Variants in ROBO1 observed in about 807,000 individuals in gnomAD.
The protein encoded by ROBO1 is roundabout guidance receptor 1, also known as roundabout homolog 1.
ROBO1 carries 149 observed loss-of-function variants against 195.9 expected under a neutral mutation model. The ratio of observed to expected loss-of-function variants is 0.76; its 90% CI spans 0.67 to 0.87. The LOEUF (loss-of-function observed/expected upper bound fraction) is 0.87. ROBO1 is among the 40% of genes least tolerant of loss of function. ROBO1 has a pLI of 0.00. For missense variants in ROBO1, 1,933 were observed against 2,068.3 expected (o/e 0.93, Z 1.27); for synonymous variants, 816 against 733.2 (o/e 1.11, Z -1.82).
intron 22 of ROBO1, among the ~76,000 whole-genome samples, chr3:78,636,970 T>C (rs1705554219): frequency 7.4e-6 from 1 of 134,262 alleles, no homozygotes; most frequent in Admixed American, 7.7e-5. Context: ...TATATATATA[T>C]ATGGCCTGCA....
At chr3:78,933,806 T>C (rs1337489992) in intron 4 of ROBO1, among the ~76,000 whole-genome samples, 1 of 152,054 alleles carries the variant, frequency 6.6e-6, no homozygotes, top group East Asian at 1.9e-4. Context: ...AAAAATAAAT[T>C]TGTTCCTGAA....
chr3:79,090,465 C>T (rs748171317), intron 3 of ROBO1, among the ~76,000 whole-genome samples: 18 of 151,286 alleles, frequency 1.2e-4, no homozygotes, highest in South Asian at 2.1e-4. Flanking sequence ...CCCCTCCCCC[C>T]GCTTCCCTCC....
intron 4 of ROBO1, among the ~76,000 whole-genome samples, chr3:78,784,607 AAG>A (rs202054640): frequency 0.55 from 84,215 of 151,756 alleles, 23,533 homozygotes; most frequent in East Asian, 0.73. Flanking sequence ...AATTGAAAAA[AAG>A]GACACGTTCT....
chr3:78,600,062 TA>T (rs549436455), intron 30 of ROBO1, 50 bp downstream of exon 30: 11 of 1,472,426 alleles, frequency 7.5e-6, no homozygotes, highest in African/African-American at 4.2e-5. Context: ...CCTAACTACA[TA>T]AAACAACCAC....
At chr3:78,711,297 C>CTTTCTCTT (rs796944135) in intron 8 of ROBO1, among the ~76,000 whole-genome samples, 1 of 140,762 alleles carries the variant, frequency 7.1e-6, no homozygotes, top group African/African-American at 3.1e-5. Flanking sequence ...TTCTTTCTTT[C>CTTTCTCTT]TCTTTCTTTC....
chr3:79,427,235 A>T (rs747604710), intron 2 of ROBO1, among the ~76,000 whole-genome samples: 2 of 152,204 alleles, frequency 1.3e-5, no homozygotes, highest in Non-Finnish European at 2.9e-5. Flanking sequence ...CATATGAACA[A>T]CTATTGTACG....
intron 3 of ROBO1, among the ~76,000 whole-genome samples, chr3:79,057,898 C>T (rs150601342): frequency 6.6e-6 from 1 of 152,068 alleles, no homozygotes; most frequent in African/African-American, 2.4e-5. Context: ...AGAAGAAGGC[C>T]CTGCATTTAA....
chr3:79,704,494 C>T (rs1947710504), intron 1 of ROBO1, among the ~76,000 whole-genome samples: 1 of 151,962 alleles, frequency 6.6e-6, no homozygotes, highest in Non-Finnish European at 1.5e-5. Context: ...TTAAGTTTCC[C>T]TCATGTCTTT....
chr3:78,999,346 G>T (rs1364452693), intron 3 of ROBO1, among the ~76,000 whole-genome samples: 1 of 152,050 alleles, frequency 6.6e-6, no homozygotes, highest in Non-Finnish European at 1.5e-5. Context: ...AATGTGACAT[G>T]GAATACTATG....
At chr3:79,610,407 T>G (rs977936635) in intron 1 of ROBO1, among the ~76,000 whole-genome samples, 1 of 151,966 alleles carries the variant, frequency 6.6e-6, no homozygotes, top group Non-Finnish European at 1.5e-5. Context: ...ATTATCTTAT[T>G]GTACTGTTCC....
intron 3 of ROBO1, among the ~76,000 whole-genome samples, chr3:78,972,109 T>C (rs532523139): frequency 8.3e-4 from 126 of 152,324 alleles, no homozygotes; most frequent in African/African-American, 2.9e-3. Flanking sequence ...AACACATTCC[T>C]TATAAATAGT....
Position 78,651,868 on chromosome 3 carries a change from A to G in ROBO1, c.2676T>C (p.Asp892=), listed in dbSNP as rs370537493. Residue 892 remains aspartate (D), a synonymous_variant, in exon 19 of 31, where the codon GAT becomes GAC. Transcript: ENST00000464233. ...DQVSLAQQIS[D]VVKQPAFIAG... is the part of the protein sequence containing the mutation. Reference sequence around the variant, plus strand: ...CTATGAAGGCCGGCTGCTTCACCACATCTGAAATCTGCTGAGCGAGGCTGA... The same window carrying G: ...CTATGAAGGCCGGCTGCTTCACCACGTCTGAAATCTGCTGAGCGAGGCTGA... The G allele has an allele frequency of 3.1e-6, 5 of 1,613,750 alleles. No homozygotes were observed. The highest frequency in any genetic ancestry group is 4.2e-6 in the Non-Finnish European group (5 of 1,179,732).
Position 78,639,727 on chromosome 3 carries a change from C to T in ROBO1, c.3037+17G>A, listed in dbSNP as rs1705808980. On this transcript the variant is annotated intron_variant, in intron 22 of 30. Coordinates refer to ENST00000464233, the MANE Select transcript of ROBO1 (RefSeq NM_002941.4). ...TTAAAAAGCTTATACATATCAGGCT[C>T]TCTCTGTGTCCCTAACCTGGGCGAC... is the stretch of plus-strand genomic sequence containing the variant. The T allele has an allele frequency of 6.2e-7, 1 of 1,606,248 alleles. No homozygotes were observed. Among genetic ancestry groups the T allele is most frequent in the South Asian group, 1.1e-5 (1 of 90,228 alleles).
At chr3:79,617,108 C>T (rs1043657800) in intron 1 of ROBO1, among the ~76,000 whole-genome samples, 1 of 152,122 alleles carries the variant, frequency 6.6e-6, no homozygotes, top group African/African-American at 2.4e-5. Flanking sequence ...TTTCTACCTG[C>T]CTAGGACAAG....
At chr3:79,582,652 G>T (rs552566842) in intron 2 of ROBO1, among the ~76,000 whole-genome samples, 2 of 151,954 alleles carry the variant, frequency 1.3e-5, no homozygotes, top group South Asian at 2.1e-4. Context: ...ATCTTATTAG[G>T]TTACTCTCAT....
At chr3:78,661,316 G>GA (rs1158384764) in intron 15 of ROBO1, 55 bp from the exon 16 acceptor site, 5 of 1,104,692 alleles carry the variant, frequency 4.5e-6, no homozygotes, top group Non-Finnish European at 6.1e-6. Context: ...TGGTTCATCA[G>GA]AAAATAATAA....
intron 2 of ROBO1, among the ~76,000 whole-genome samples, chr3:79,516,241 C>T (rs1940938360): frequency 1.3e-5 from 2 of 152,174 alleles, no homozygotes; most frequent in Admixed American, 6.5e-5. Context: ...ATAAAGATAA[C>T]ATAAGTTCTA....
chr3:79,680,251 C>T (rs1244448972), intron 1 of ROBO1, among the ~76,000 whole-genome samples: 39 of 151,954 alleles, frequency 2.6e-4, no homozygotes, highest in Admixed American at 2.6e-3. Context: ...TATAAATTCA[C>T]CCAACTCTAA....
chr3:78,693,415 A>C, intron 8 of ROBO1: 1 of 1,250,810 alleles, frequency 8.0e-7, no homozygotes, highest in Non-Finnish European at 1.1e-6. Flanking sequence ...ACATAAAATG[A>C]AACAGAAAAG....
Sources: gnomAD v4.1 joint callset for allele counts (sites outside exome capture counted in the v4.1 genomes callset) on GRCh38, gnomAD v4.1.1 for gene constraint, MANE v1.5 for transcripts, NCBI Gene and HGNC (gene_info 2026-07-23, HGNC 2026-07-21) for gene names.